The following EXOC4 variants were observed in gnomAD, a reference collection of about 807,000 sequenced individuals.
The protein encoded by EXOC4 is SEC8-like 1.
Under a neutral mutation model 107.2 loss-of-function variants are expected in EXOC4, and 71 were observed. The ratio of observed to expected loss-of-function variants is 0.66; its 90% confidence interval spans 0.55 to 0.81. The LOEUF is 0.81. EXOC4 is among the 30% of genes least tolerant of loss of function. The pLI, the probability that EXOC4 is intolerant of heterozygous loss-of-function variation, is 0.00. For missense variants in EXOC4, 1,108 were observed against 1,189.6 expected (o/e 0.93, Z 1.01); for synonymous variants, 456 against 441.2 (o/e 1.03, Z -0.42).
chr7:133,643,627 CT>C (rs1802915343), intron 10 of EXOC4, among the ~76,000 whole-genome samples: 1 of 152,140 alleles, frequency 6.6e-6, no homozygotes. Flanking sequence ...CATAATACAA[CT>C]ATCCTTTGTA....
Position 133,378,133 on chromosome 7 carries a change from AC to A in EXOC4, c.1182+3134del, listed in dbSNP as rs563648076. On this transcript the variant is annotated intron_variant, in intron 7 of 17. Transcript: ENST00000253861. ...AGACCAGCCTGGCCAAGATGGTGAA[AC>A]CCTGTCTCTATGAAAAATACAAAAG... 9.9e-5 allele frequency among the ~76,000 whole-genome samples: 15 copies of A among 152,052 alleles called. No homozygotes were observed. The South Asian group carries it at 2.9e-3, about 30-fold the overall frequency.
chr7:134,059,714 T>C (rs1030344190), intron 17 of EXOC4, among the ~76,000 whole-genome samples: 1 of 152,220 alleles, frequency 6.6e-6, no homozygotes, highest in Non-Finnish European at 1.5e-5. Flanking sequence ...TGTTTCAACC[T>C]AAATATTTCA....
intron 7 of EXOC4, among the ~76,000 whole-genome samples, chr7:133,446,862 A>G (rs1044002282): frequency 1.3e-5 from 2 of 152,164 alleles, no homozygotes; most frequent in Non-Finnish European, 2.9e-5. Context: ...AACACAGTGT[A>G]AGTGGTAAAT....
At chr7:133,424,324 C>T (rs1356655740) in intron 7 of EXOC4, among the ~76,000 whole-genome samples, 3 of 152,168 alleles carry the variant, frequency 2.0e-5, no homozygotes, top group South Asian at 2.1e-4. Flanking sequence ...AGCGAGACCA[C>T]GAACCCACCA....
At chr7:133,871,916 G>A (rs1034955588) in intron 11 of EXOC4, among the ~76,000 whole-genome samples, 1 of 152,152 alleles carries the variant, frequency 6.6e-6, no homozygotes, top group African/African-American at 2.4e-5. Context: ...CTTATAGTAA[G>A]CAATATGTAC....
intron 10 of EXOC4, among the ~76,000 whole-genome samples, chr7:133,647,434 A>T (rs940271016): frequency 5.3e-5 from 8 of 152,124 alleles, no homozygotes; most frequent in Non-Finnish European, 1.2e-4. Context: ...TAGTATTCCT[A>T]GCAACTCTGT....
Position 133,947,073 on chromosome 7 carries a change from G to A in EXOC4, c.2206+9004G>A, listed in dbSNP as rs550488527. 3.9e-5 allele frequency among the ~76,000 whole-genome samples: 6 copies of A among 152,250 alleles called. No homozygotes were observed. In the South Asian group the frequency reaches 1.2e-3, roughly 32 times the overall value. On this transcript the variant is annotated intron_variant, in intron 14 of 17. Transcript: ENST00000253861. ...CAGGCAAGTTAGGGTATAACCAGGG[G>A]GAAACTATTTGGCCTGTCCGAGCTA...
intron 7 of EXOC4, among the ~76,000 whole-genome samples, chr7:133,454,582 C>T (rs1798421713): frequency 6.6e-6 from 1 of 152,234 alleles, no homozygotes; most frequent in African/African-American, 2.4e-5. Flanking sequence ...TAGGCGTGAG[C>T]CACCACGCCT....
intron 10 of EXOC4, among the ~76,000 whole-genome samples, chr7:133,769,706 C>T (rs1023503537): frequency 6.6e-6 from 1 of 151,792 alleles, no homozygotes; most frequent in African/African-American, 2.4e-5. Context: ...ATCTTGTTTC[C>T]TAGATAACAA....
intron 11 of EXOC4, among the ~76,000 whole-genome samples, chr7:133,883,320 CT>C (rs61066187): frequency 0.025 from 3,274 of 132,172 alleles, 34 homozygotes; most frequent in Middle Eastern, 0.045. Flanking sequence ...ATGAGAATTG[CT>C]TTTTTTTTTT....
intron 17 of EXOC4, among the ~76,000 whole-genome samples, chr7:134,028,569 A>G (rs1795197774): frequency 6.6e-6 from 1 of 152,174 alleles, no homozygotes. Flanking sequence ...AGGTAGCCGC[A>G]GTGTGGAGGG....
chr7:133,506,921 T>C (rs1350218279), intron 9 of EXOC4, among the ~76,000 whole-genome samples: 2 of 152,096 alleles, frequency 1.3e-5, no homozygotes, highest in Admixed American at 1.3e-4. Context: ...TATTGGACTT[T>C]TTTTTATTAC....
At chr7:133,515,302 G>A (rs1799851138) in intron 9 of EXOC4, among the ~76,000 whole-genome samples, 2 of 151,534 alleles carry the variant, frequency 1.3e-5, no homozygotes, top group Admixed American at 6.6e-5. Flanking sequence ...CAACCATGGA[G>A]ATTACTCCAA....
rs185151559 is a variant in EXOC4 at position 133,969,958 on chromosome 7, C to T, written c.2207-27534C>T. ...AATTTTCCCACAGCTGCCCCTTCCC[C>T]CAGGTGCCCTGTCCCAGGGAGATGG... On this transcript the variant is annotated intron_variant, in intron 14 of 17. Transcript: ENST00000253861. Among the ~76,000 whole-genome samples, 85 of 152,338 alleles carry T rather than the reference C, an allele frequency of 5.6e-4. 2 individuals carry two copies. The East Asian group carries it at 0.015, about 28-fold the overall frequency.
chr7:133,492,719 CTTTAA>C (rs1554462647), intron 9 of EXOC4, among the ~76,000 whole-genome samples: 3 of 151,896 alleles, frequency 2.0e-5, no homozygotes, highest in Non-Finnish European at 4.4e-5. Flanking sequence ...AATATGAATT[CTTTAA>C]TTTTTATTCC....
intron 10 of EXOC4, among the ~76,000 whole-genome samples, chr7:133,646,729 G>A (rs1215369958): frequency 6.6e-6 from 1 of 152,138 alleles, no homozygotes; most frequent in Non-Finnish European, 1.5e-5. Flanking sequence ...CACCAGGCCT[G>A]GAGAAGTTTA....
intron 1 of EXOC4, chr7:133,253,433 T>G (rs1794940155): frequency 8.0e-7 from 1 of 1,250,662 alleles, no homozygotes; most frequent in South Asian, 2.7e-5. Context: ...GCACCTTCTA[T>G]TACAGTCTCG....
chr7:133,832,729 A>C (rs1443713563), intron 11 of EXOC4, among the ~76,000 whole-genome samples: 1 of 152,214 alleles, frequency 6.6e-6, no homozygotes, highest in East Asian at 1.9e-4. Context: ...GGTTGCTTCC[A>C]TTTAGAGTTA....
At chr7:133,880,327 A>G (rs759583433) in intron 11 of EXOC4, among the ~76,000 whole-genome samples, 4 of 152,192 alleles carry the variant, frequency 2.6e-5, no homozygotes, top group Non-Finnish European at 5.9e-5. Context: ...TTATATTTCT[A>G]TATCTTCTCT....
Sources: allele counts gnomAD v4.1 joint callset (sites outside exome capture counted in the v4.1 genomes callset), GRCh38; gene constraint gnomAD v4.1.1; transcripts MANE v1.5; gene names NCBI Gene and HGNC (gene_info 2026-07-23, HGNC 2026-07-21).